SLC9A9: variants seen among roughly 807,000 people sequenced by gnomAD.
SLC9A9 encodes sodium/hydrogen exchanger 9.
A neutral mutation model predicts 77.8 loss-of-function variants in SLC9A9; 62 were observed. That is an observed-to-expected ratio of 0.80 (90% CI 0.65 to 0.98). The LOEUF is 0.98. Among genes scored for constraint, SLC9A9 ranks in the 50% least tolerant of loss-of-function variants. SLC9A9 has a pLI of 0.00. For missense variants in SLC9A9, 775 were observed against 774.9 expected (o/e 1.00, Z 0.00); for synonymous variants, 320 against 283.5 (o/e 1.13, Z -1.29).
chr3:143,390,032 T>C (rs2033522013), intron 12 of SLC9A9, among the ~76,000 whole-genome samples: 2 of 152,232 alleles, frequency 1.3e-5, no homozygotes, highest in South Asian at 4.1e-4. Flanking sequence ...CATTGACAGG[T>C]ACTCATATGC....
intron 9 of SLC9A9, among the ~76,000 whole-genome samples, chr3:143,543,271 C>A (rs942336950): frequency 6.6e-6 from 1 of 152,178 alleles, no homozygotes; most frequent in Admixed American, 6.5e-5. Flanking sequence ...CCACACGCTT[C>A]CCTTCAGTGC....
intron 14 of SLC9A9, among the ~76,000 whole-genome samples, chr3:143,300,559 G>C (rs888828687): frequency 6.6e-6 from 1 of 152,204 alleles, no homozygotes; most frequent in African/African-American, 2.4e-5. Context: ...GCCTGGGGTG[G>C]GGCCTGAGAT....
chr3:143,550,731 A>C (rs2036867411), intron 9 of SLC9A9, among the ~76,000 whole-genome samples: 1 of 152,206 alleles, frequency 6.6e-6, no homozygotes, highest in African/African-American at 2.4e-5. Flanking sequence ...TGTGATCAAT[A>C]AATGATTATT....
At chr3:143,749,914 G>C (rs941649871) in intron 4 of SLC9A9, among the ~76,000 whole-genome samples, 1 of 152,172 alleles carries the variant, frequency 6.6e-6, no homozygotes, top group Non-Finnish European at 1.5e-5. Context: ...TGTGCCTTTC[G>C]GATATGATTA....
chr3:143,742,305 C>T (rs1013072237), intron 4 of SLC9A9, among the ~76,000 whole-genome samples: 1 of 152,168 alleles, frequency 6.6e-6, no homozygotes. Context: ...AACTCTGTTC[C>T]TCCAATGCTC....
chr3:143,546,739 A>G lies in SLC9A9; in HGVS notation c.1089+5623T>C, dbSNP rs2108634694. Among the ~76,000 whole-genome samples, 4 of 152,336 alleles carry G rather than the reference A, an allele frequency of 2.6e-5. No individual in the cohort carries two copies. The South Asian group carries it at 8.3e-4, about 32-fold the overall frequency. On this transcript the variant is annotated intron_variant, in intron 9 of 15. Coordinates refer to ENST00000316549, the MANE Select transcript of SLC9A9 (RefSeq NM_173653.4). ...TTATAAGCCTAGAAAAAACTCTAAT[A>G]CATCATTTTTTTCTTTACTGTTTCA...
At chr3:143,595,971 G>C (rs895576895) in intron 6 of SLC9A9, among the ~76,000 whole-genome samples, 3 of 152,128 alleles carry the variant, frequency 2.0e-5, no homozygotes, top group African/African-American at 7.2e-5. Flanking sequence ...TGGGCTTTGA[G>C]GGGGGAATGT....
intron 11 of SLC9A9, among the ~76,000 whole-genome samples, chr3:143,467,455 C>CA (rs2035302969): frequency 6.6e-6 from 1 of 152,060 alleles, no homozygotes; most frequent in South Asian, 2.1e-4. Context: ...AGATAAAGAA[C>CA]ATTTCTGGCT....
chr3:143,634,487 T>G (rs2038481078), intron 6 of SLC9A9, among the ~76,000 whole-genome samples: 1 of 152,210 alleles, frequency 6.6e-6, no homozygotes, highest in South Asian at 2.1e-4. Context: ...TAGTGTCTTT[T>G]GTCTCTTTAG....
chr3:143,401,226 T>C (rs1158667606), intron 12 of SLC9A9, among the ~76,000 whole-genome samples: 1 of 152,120 alleles, frequency 6.6e-6, no homozygotes, highest in African/African-American at 2.4e-5. Context: ...GGCTTGTCTG[T>C]GTTCTTCTAT....
At chr3:143,384,366 G>C (rs867979528) in intron 12 of SLC9A9, among the ~76,000 whole-genome samples, 3 of 152,136 alleles carry the variant, frequency 2.0e-5, no homozygotes, top group Non-Finnish European at 4.4e-5. Flanking sequence ...TTCATTGCTG[G>C]ATAAACCCAG....
intron 6 of SLC9A9, among the ~76,000 whole-genome samples, chr3:143,644,544 A>G (rs1458761887): frequency 6.6e-6 from 1 of 152,196 alleles, no homozygotes; most frequent in African/African-American, 2.4e-5. Context: ...GAATGAGAGA[A>G]AAACAAACAA....
intron 11 of SLC9A9, among the ~76,000 whole-genome samples, chr3:143,474,807 G>A (rs368793078): frequency 7.1e-6 from 1 of 141,046 alleles, no homozygotes; most frequent in Admixed American, 6.9e-5. Flanking sequence ...AGTTTATTTT[G>A]AACCAGGTTT....
intron 12 of SLC9A9, among the ~76,000 whole-genome samples, chr3:143,392,823 T>C (rs1160742976): frequency 6.6e-6 from 1 of 152,134 alleles, no homozygotes; most frequent in Non-Finnish European, 1.5e-5. Flanking sequence ...AAACAGACTT[T>C]AAACCAACAA....
At chr3:143,647,874 C>T (rs1352874200) in intron 6 of SLC9A9, among the ~76,000 whole-genome samples, 1 of 152,108 alleles carries the variant, frequency 6.6e-6, no homozygotes, top group Non-Finnish European at 1.5e-5. Context: ...GACAGTATGT[C>T]TTAACTAAGT....
At chr3:143,615,378 A>G (rs2108704541) in intron 6 of SLC9A9, among the ~76,000 whole-genome samples, 2 of 151,942 alleles carry the variant, frequency 1.3e-5, no homozygotes, top group Middle Eastern at 6.8e-3. Flanking sequence ...AAGAACAGAA[A>G]TCTTCCAAAC....
chr3:143,840,681 A>G (rs921025188), intron 1 of SLC9A9, among the ~76,000 whole-genome samples: 1 of 152,194 alleles, frequency 6.6e-6, no homozygotes, highest in African/African-American at 2.4e-5. Flanking sequence ...CAGAGGCTTC[A>G]AGGTAGAGAA....
At chr3:143,721,982 A>G (rs1275399999) in intron 4 of SLC9A9, among the ~76,000 whole-genome samples, 1 of 152,164 alleles carries the variant, frequency 6.6e-6, no homozygotes, top group African/African-American at 2.4e-5. Flanking sequence ...ACATTATTTT[A>G]AAGATGGCTT....
chr3:143,710,075 A>C (rs1223890575), intron 4 of SLC9A9, among the ~76,000 whole-genome samples: 1 of 152,228 alleles, frequency 6.6e-6, no homozygotes, highest in Admixed American at 6.5e-5. Context: ...TCATTAAAGA[A>C]AAACAAGTTT....
Sources: gnomAD v4.1 joint callset for allele counts (sites outside exome capture counted in the v4.1 genomes callset) on GRCh38, gnomAD v4.1.1 for gene constraint, MANE v1.5 for transcripts, NCBI Gene and HGNC (gene_info 2026-07-23, HGNC 2026-07-21) for gene names.